The following USP7 variants were observed in gnomAD, a reference collection of about 807,000 sequenced individuals.
USP7 encodes ubiquitin C-terminal hydrolase 7.
Under a neutral mutation model 162.9 loss-of-function variants are expected in USP7, and 9 were observed. That is an observed-to-expected ratio of 0.06 (90% CI 0.03 to 0.10). USP7 has a LOEUF of 0.10. Among genes scored for constraint, USP7 ranks in the 10% least tolerant of loss-of-function variants. The probability of loss-of-function intolerance (pLI) is 1.00; values close to 1 mark genes in which losing one functional copy is unlikely to be tolerated. For synonymous variants in USP7, 562 were observed against 475.9 expected, an observed-to-expected ratio of 1.18 and a Z score of -2.35; for missense variants, 715 against 1,373.7, an observed-to-expected ratio of 0.52 and a Z score of 7.58.
chr16:8,903,467 C>T lies in USP7; in HGVS notation c.1705-65G>A, dbSNP rs1027577574. 5 of 1,498,626 alleles carry T rather than the reference C, an allele frequency of 3.3e-6. 1 individual carries two copies. In the African/African-American group the frequency reaches 7.1e-5, roughly 21 times the overall value. 92.8% of individuals were successfully genotyped at this position (1,498,626 alleles called of 1,614,324 possible). On this transcript the variant is annotated intron_variant, in intron 15 of 30. Coordinates refer to ENST00000344836, the MANE Select transcript of USP7 (RefSeq NM_003470.3). ...TGACAAAAAATGAGTCCACACTGAA[C>T]ACATTTAAACACTAAAACGCTGAAA...
intron 25 of USP7, among the ~76,000 whole-genome samples, chr16:8,897,768 A>G (rs1337708122): frequency 2.3e-5 from 3 of 130,058 alleles, no homozygotes; most frequent in African/African-American, 8.7e-5. Context: ...GCGTGGTGAC[A>G]TACACCTGTA....
chr16:8,929,244 G>A lies in USP7; in HGVS notation c.184+1049C>T, dbSNP rs1596389785. The A allele has an allele frequency of 2.1e-5, 7 of 336,842 alleles. No homozygotes were observed. In the East Asian group the frequency reaches 4.8e-4, roughly 23 times the overall value. 20.9% of individuals were successfully genotyped at this position (336,842 alleles called of 1,614,324 possible). ...CTCAACCGCTTTCGGCATCTCAGAT[G>A]TCTAAAGTAAAACCTCCAAAAGCCC... On this transcript the variant is annotated intron_variant, in intron 2 of 30. Transcript: ENST00000344836.
intron 18 of USP7, 72 bp from the exon 19 acceptor site, chr16:8,901,306 AC>A: frequency 7.8e-6 from 8 of 1,021,056 alleles, no homozygotes; most frequent in Admixed American, 2.7e-5. Context: ...AAAAAAACAA[AC>A]AAACAAAAAA....
intron 22 of USP7, 88 bp downstream of exon 22, chr16:8,899,516 T>A: frequency 6.6e-7 from 1 of 1,520,810 alleles, no homozygotes; most frequent in South Asian, 1.2e-5. Flanking sequence ...ACCAAAACCA[T>A]GAGATAGCTT....
chr16:8,920,933 G>C (rs1368442106), intron 4 of USP7, among the ~76,000 whole-genome samples: 1 of 152,160 alleles, frequency 6.6e-6, no homozygotes, highest in Non-Finnish European at 1.5e-5. Context: ...TAGCCCACTG[G>C]GAACTCCCTT....
chr16:8,914,492 A>T (rs1282700846), intron 10 of USP7, among the ~76,000 whole-genome samples: 1 of 152,218 alleles, frequency 6.6e-6, no homozygotes. Flanking sequence ...ACCAACCCAA[A>T]TATCAAGCAA....
intron 15 of USP7, 42 bp downstream of exon 15, chr16:8,904,393 G>C: frequency 6.2e-7 from 1 of 1,606,220 alleles, no homozygotes; most frequent in East Asian, 2.2e-5. Flanking sequence ...ATGGGTGCCC[G>C]GCTGCATGGT....
intron 21 of USP7, 195 bp from the exon 22 acceptor site, chr16:8,899,952 T>C (rs1436056265): frequency 2.4e-5 from 16 of 662,028 alleles, no homozygotes; most frequent in Non-Finnish European, 3.6e-5. Context: ...GGGGATGCAC[T>C]GAGCCAGGCG....
chr16:8,940,477 T>C (rs1037054854), intron 1 of USP7, among the ~76,000 whole-genome samples: 5 of 152,130 alleles, frequency 3.3e-5, no homozygotes, highest in African/African-American at 9.7e-5. Context: ...ATCAAGGCTG[T>C]TGATCAGAGT....
At chr16:8,927,414 G>A (rs1035184028) in intron 2 of USP7, among the ~76,000 whole-genome samples, 2 of 152,056 alleles carry the variant, frequency 1.3e-5, no homozygotes, top group African/African-American at 4.8e-5. Context: ...TGGTGCTGTT[G>A]CAGTGATTTT....
intron 25 of USP7, among the ~76,000 whole-genome samples, chr16:8,897,561 T>C (rs2061702603): frequency 6.6e-6 from 1 of 151,224 alleles, no homozygotes; most frequent in African/African-American, 2.4e-5. Context: ...AGATCTAGCA[T>C]CTAAATAGGC....
At chr16:8,934,713 C>T (rs967198212) in intron 1 of USP7, among the ~76,000 whole-genome samples, 2 of 152,184 alleles carry the variant, frequency 1.3e-5, no homozygotes, top group Non-Finnish European at 2.9e-5. Flanking sequence ...CCTTTTCCAC[C>T]TGACAGGTGC....
At chr16:8,929,507 G>A (rs889463217) in intron 2 of USP7, 7 of 455,866 alleles carry the variant, frequency 1.5e-5, no homozygotes, top group African/African-American at 8.0e-5. Flanking sequence ...GGTGCAGCCC[G>A]TGACTGATGG....
At chr16:8,916,352 G>T in intron 8 of USP7, 150 bp downstream of exon 8, 1 of 737,548 alleles carries the variant, frequency 1.4e-6, no homozygotes, top group Non-Finnish European at 2.1e-6. Context: ...TTTATAACTA[G>T]ACATCTGCTG....
At position 8,920,578 on chromosome 16, in the gene USP7, T is replaced by C. The variant is rs1349615713; in HGVS notation, c.523-131A>G. The C allele has an allele frequency of 7.0e-6, 5 of 716,350 alleles. No individual in the cohort carries two copies. In the African/African-American group the frequency reaches 7.2e-5, roughly 10 times the overall value. The allele number at this position is 716,350 out of a possible 1,614,324, so 44.4% of individuals were successfully genotyped here. On this transcript the variant is annotated intron_variant, in intron 4 of 30. Coordinates refer to ENST00000344836, the MANE Select transcript of USP7 (RefSeq NM_003470.3). ...TTTTTTTAAATACATCCCAACTTTTTTGCTAATTTTAGACTGTTTCAATTT... is the reference window on the plus strand; with the variant it reads ...TTTTTTTAAATACATCCCAACTTTTCTGCTAATTTTAGACTGTTTCAATTT...
chr16:8,904,741 G>C (rs1252770009), intron 14 of USP7, among the ~76,000 whole-genome samples, 176 bp from the exon 15 acceptor site: 2 of 151,022 alleles, frequency 1.3e-5, no homozygotes, highest in Non-Finnish European at 3.0e-5. Context: ...AGGAAATCAA[G>C]ACCATCTTGG....
intron 1 of USP7, among the ~76,000 whole-genome samples, chr16:8,946,262 G>T (rs1218596226): frequency 6.6e-6 from 1 of 152,070 alleles, no homozygotes; most frequent in South Asian, 2.1e-4. Context: ...CCAAAAGCAA[G>T]GTTCAAAAAA....
intron 1 of USP7, among the ~76,000 whole-genome samples, chr16:8,960,171 A>G (rs531158707): frequency 6.6e-6 from 1 of 152,316 alleles, no homozygotes; most frequent in Admixed American, 6.5e-5. Flanking sequence ...CCTTATTCCC[A>G]GCCAGACCTA....
chr16:8,903,637 C>A (rs1316696521), intron 15 of USP7, among the ~76,000 whole-genome samples: 1 of 152,038 alleles, frequency 6.6e-6, no homozygotes, highest in Non-Finnish European at 1.5e-5. Flanking sequence ...GAGGCCGAGG[C>A]GGGCGGATCA....
Sources: gnomAD v4.1 joint callset for allele counts (sites outside exome capture counted in the v4.1 genomes callset) on GRCh38, gnomAD v4.1.1 for gene constraint, MANE v1.5 for transcripts, NCBI Gene and HGNC (gene_info 2026-07-23, HGNC 2026-07-21) for gene names.